Variants in UGT1A8 observed in about 807,000 individuals in gnomAD.
The protein encoded by UGT1A8 is UDP glucuronosyltransferase family 1 member A8.
UGT1A8 carries 39 observed loss-of-function variants against 45.3 expected under a neutral mutation model. The observed-to-expected ratio is 0.86, with a 90% CI of 0.67 to 1.12. UGT1A8 has a LOEUF of 1.12. Ranked by LOEUF, UGT1A8 falls within the 50% of genes most tolerant of loss-of-function variation. UGT1A8 has a pLI of 0.00. For missense variants in UGT1A8, 719 were observed against 664.9 expected, an observed-to-expected ratio of 1.08 and a Z score of -0.90; for synonymous variants, 275 against 249.2, an observed-to-expected ratio of 1.10 and a Z score of -0.97.
chr2:233,743,655 C>G (rs367682058), intron 1 of UGT1A8: 8 of 1,367,176 alleles, frequency 5.9e-6, no homozygotes, highest in Non-Finnish European at 7.8e-6. Flanking sequence ...AAGACGTACT[C>G]GAAGGGGTCC....
At chr2:233,706,564 T>A (rs2125604446) in intron 1 of UGT1A8, among the ~76,000 whole-genome samples, 1 of 152,250 alleles carries the variant, frequency 6.6e-6, no homozygotes, top group South Asian at 2.1e-4. Flanking sequence ...TCTCAAACCT[T>A]AGGGTAAGAG....
chr2:233,724,299 A>C (rs1357747984), intron 1 of UGT1A8, among the ~76,000 whole-genome samples: 1 of 112,984 alleles, frequency 8.9e-6, no homozygotes, highest in Non-Finnish European at 1.8e-5. Flanking sequence ...TGACCCCCCC[A>C]CCTCCCTCCC....
At chr2:233,692,569 C>G (rs2075102879) in intron 1 of UGT1A8, among the ~76,000 whole-genome samples, 3 of 152,158 alleles carry the variant, frequency 2.0e-5, no homozygotes, top group Admixed American at 2.0e-4. Context: ...GGATACCCAG[C>G]TGGTGTTAGA....
rs762306873 is a variant in UGT1A8, at chr2:233,618,064, A to AT, written c.364dup (p.Ser122PhefsTer8). 18 of 1,613,622 alleles carry AT rather than the reference A, an allele frequency of 1.1e-5. 1 individual carries two copies. Among genetic ancestry groups the AT allele is most frequent in the South Asian group, 7.7e-5 (7 of 91,038 alleles). ...GTTCATCCAATGGTTTTTTTAACTT[A>AT]TTTTTTTCGCATTGCAGGAGTTTGT... On this transcript the variant is annotated frameshift_variant, in exon 1 of 5. Coordinates refer to ENST00000373450, the MANE Select transcript of UGT1A8 (RefSeq NM_019076.5). LOFTEE classifies it high-confidence loss of function.
In UGT1A8 at chr2:233,769,673, G is replaced by A; in HGVS notation, c.1295+1234G>A. 1.3e-6 allele frequency: 2 copies of A among 1,580,578 alleles called. No individual in the cohort carries two copies. The highest frequency in any genetic ancestry group is 1.1e-5 in the South Asian group (1 of 86,980). On this transcript the variant is annotated intron_variant, in intron 4 of 4. Transcript: ENST00000373450. The surrounding 1 kb of genome is among the most constrained non-coding windows in gnomAD (Gnocchi z 4.4). ...GACTTCCCACCTTTGAGGTGCTAAT[G>A]TGTGTGTGGTGGCACTGGATAAAAG...
At chr2:233,715,490 T>TG (rs1472683316) in intron 1 of UGT1A8, among the ~76,000 whole-genome samples, 1 of 152,172 alleles carries the variant, frequency 6.6e-6, no homozygotes, top group African/African-American at 2.4e-5. Flanking sequence ...AAATGATTTG[T>TG]GTGCAAGTGG....
chr2:233,730,143 C>G, intron 1 of UGT1A8: 1 of 1,515,100 alleles, frequency 6.6e-7, no homozygotes, highest in African/African-American at 1.4e-5. Flanking sequence ...GTGAGATAAA[C>G]TGTTAAGGGG....
intron 1 of UGT1A8, chr2:233,756,139 A>G (rs548564023): frequency 6.6e-6 from 1 of 152,240 alleles, no homozygotes; most frequent in Non-Finnish European, 1.5e-5. Flanking sequence ...CTGAAAAATT[A>G]CTGGGGATCC....
intron 1 of UGT1A8, among the ~76,000 whole-genome samples, chr2:233,658,450 A>T (rs1347831873): frequency 6.6e-6 from 1 of 151,976 alleles, no homozygotes; most frequent in African/African-American, 2.4e-5. Flanking sequence ...GTCCTTTTTC[A>T]TTTCTAGGAT....
chr2:233,674,843 A>G (rs1323786544), intron 1 of UGT1A8, among the ~76,000 whole-genome samples: 2 of 152,208 alleles, frequency 1.3e-5, no homozygotes, highest in African/African-American at 4.8e-5. Flanking sequence ...ATATGGCCCA[A>G]CCACAGAAGT....
chr2:233,623,439 G>C (rs1246840943), intron 1 of UGT1A8, among the ~76,000 whole-genome samples: 3 of 151,912 alleles, frequency 2.0e-5, no homozygotes, highest in African/African-American at 7.2e-5. Flanking sequence ...AGAGGTCTTC[G>C]CATCCTTTGT....
chr2:233,688,214 G>A (rs1164315622), intron 1 of UGT1A8, among the ~76,000 whole-genome samples: 3 of 152,134 alleles, frequency 2.0e-5, no homozygotes, highest in South Asian at 2.1e-4. Flanking sequence ...TAGTTTTGTG[G>A]CTTATCCATG....
intron 1 of UGT1A8, among the ~76,000 whole-genome samples, chr2:233,647,424 C>G (rs17862848): frequency 0.042 from 6,421 of 152,250 alleles, 159 homozygotes; most frequent in Non-Finnish European, 0.061. Flanking sequence ...CATTTCACAT[C>G]CTTCTGTTTT....
Position 233,618,568 on chromosome 2 carries a change from T to A in UGT1A8, c.855+6T>A. ...AGGGAAAGCCATTGCCTATGGTAAG[T>A]CACCTCTCCTTTAGCACATTAGGAA... On this transcript the variant is annotated splice_donor_region_variant and intron_variant, in intron 1 of 4. Coordinates refer to ENST00000373450, the MANE Select transcript of UGT1A8 (RefSeq NM_019076.5). The A allele has an allele frequency of 6.2e-7, 1 of 1,611,684 alleles. No homozygotes were observed. Among genetic ancestry groups the A allele is most frequent in the Non-Finnish European group, 8.5e-7 (1 of 1,178,224 alleles).
At chr2:233,689,905 G>T (rs1008501237) in intron 1 of UGT1A8, 14 of 456,562 alleles carry the variant, frequency 3.1e-5, no homozygotes, top group Admixed American at 2.6e-4. Flanking sequence ...TCAGGGCCAG[G>T]TAGGTGCCTG....
At chr2:233,638,424 G>A (rs2073361369) in intron 1 of UGT1A8, among the ~76,000 whole-genome samples, 1 of 152,062 alleles carries the variant, frequency 6.6e-6, no homozygotes, top group South Asian at 2.1e-4. Context: ...TGCATTAGAT[G>A]TACAATATAC....
intron 1 of UGT1A8, chr2:233,648,822 T>G: frequency 9.6e-7 from 1 of 1,044,490 alleles, no homozygotes; most frequent in Non-Finnish European, 1.4e-6. Context: ...TAGAGGAGCA[T>G]TTATTTTGCC....
chr2:233,636,365 T>C, intron 1 of UGT1A8: 2 of 1,260,286 alleles, frequency 1.6e-6, no homozygotes, highest in Non-Finnish European at 2.1e-6. Context: ...TTATCGTTCT[T>C]ATGAGTAAAT....
In UGT1A8 at chr2:233,729,602, C is replaced by T. The variant is rs746977069; in HGVS notation, c.856-37432C>T. 10 of 1,613,864 alleles carry T rather than the reference C, an allele frequency of 6.2e-6. No homozygotes were observed. Among genetic ancestry groups the T allele is most frequent in the African/African-American group, 5.3e-5 (4 of 74,870 alleles). On this transcript the variant is annotated intron_variant, in intron 1 of 4. Coordinates refer to ENST00000373450, the MANE Select transcript of UGT1A8 (RefSeq NM_019076.5). ...ACAGACCCCGTTAACCTCTGCGCGG[C>T]AGTGCTGGCTAAGTACCTGTCGATT...
Sources: gnomAD v4.1 joint callset for allele counts (sites outside exome capture counted in the v4.1 genomes callset) on GRCh38, gnomAD v4.1.1 for gene constraint, Gnocchi (gnomAD v3.1) non-coding constraint, MANE v1.5 for transcripts, NCBI Gene and HGNC (gene_info 2026-07-23, HGNC 2026-07-21) for gene names.